CCDC88A: variants seen among roughly 807,000 people sequenced by gnomAD.
CCDC88A encodes the protein girdin.
A neutral mutation model predicts 234.3 loss-of-function variants in CCDC88A; 54 were observed. That is an observed-to-expected ratio of 0.23 (90% CI 0.19 to 0.29). CCDC88A has a LOEUF of 0.29. Ranked by LOEUF, CCDC88A falls within the 10% of genes least tolerant of loss-of-function variation. The probability of loss-of-function intolerance (pLI) is 1.00; values close to 1 mark genes in which losing one functional copy is unlikely to be tolerated. For missense variants in CCDC88A, 1,832 were observed against 2,123.4 expected (o/e 0.86, Z 2.70); for synonymous variants, 753 against 737.8 (o/e 1.02, Z -0.33).
chr2:55,364,091 TTATA>T, intron 5 of CCDC88A, 58 bp from the exon 6 acceptor site: 1 of 793,218 alleles, frequency 1.3e-6, no homozygotes. Flanking sequence ...CCTTAAAATG[TTATA>T]TATAACTAAA....
chr2:55,304,131 A>C (rs1164299665), intron 25 of CCDC88A, among the ~76,000 whole-genome samples: 1 of 150,482 alleles, frequency 6.6e-6, no homozygotes, highest in African/African-American at 2.5e-5. Context: ...CAACAGAGCG[A>C]GAACCCATCC....
chr2:55,307,310 A>G (rs969268559), intron 25 of CCDC88A, among the ~76,000 whole-genome samples: 1 of 152,188 alleles, frequency 6.6e-6, no homozygotes, highest in African/African-American at 2.4e-5. Flanking sequence ...TAAATTTGTA[A>G]TAAAAATTAT....
At chr2:55,352,636 G>A (rs1422118789) in intron 8 of CCDC88A, among the ~76,000 whole-genome samples, 2 of 151,882 alleles carry the variant, frequency 1.3e-5, no homozygotes, top group African/African-American at 4.8e-5. Context: ...TCAAAACATG[G>A]GATTTATGGA....
chr2:55,290,200 A>C lies in CCDC88A; in HGVS notation c.*1000T>G, dbSNP rs1398539083. ...AATAACAGTTATCAACTTTAATGTAATATCATAAAGGAGAAAAAAATCATT... is the reference window on the plus strand; with the variant it reads ...AATAACAGTTATCAACTTTAATGTACTATCATAAAGGAGAAAAAAATCATT... On this transcript the variant is annotated 3_prime_UTR_variant, in exon 33 of 33. Coordinates refer to ENST00000436346, the MANE Select transcript of CCDC88A (RefSeq NM_001365480.1). The C allele has an allele frequency of 6.6e-6, 1 of 152,570 alleles. No homozygotes were observed. Among genetic ancestry groups the C allele is most frequent in the East Asian group, 1.9e-4 (1 of 5,204 alleles). The allele number at this position is 152,570 out of a possible 1,614,324, so 9.5% of individuals were successfully genotyped here.
rs547733323 is a variant in CCDC88A, at chr2:55,347,606, C to CTTTTTT, written c.883-1279_883-1274dup. ...ATACCTATGTTATCTATTCATCTAC[C>CTTTTTT]TTTTTTTTTTTTTTTTTTTTGAGAC... is the stretch of plus-strand genomic sequence containing the variant. On this transcript the variant is annotated intron_variant, in intron 9 of 32. Coordinates refer to ENST00000436346, the MANE Select transcript of CCDC88A (RefSeq NM_001365480.1). Among the ~76,000 whole-genome samples the CTTTTTT allele has an allele frequency of 5.5e-4, 56 of 102,146 alleles. 4 individuals carry two copies. Among genetic ancestry groups the CTTTTTT allele is most frequent in the African/African-American group, 1.7e-3 (44 of 25,354 alleles). The allele number at this position is 102,146 out of a possible 152,430, so 67.0% of individuals were successfully genotyped here.
At chr2:55,366,192 A>G (rs1336553398) in intron 5 of CCDC88A, among the ~76,000 whole-genome samples, 1 of 152,174 alleles carries the variant, frequency 6.6e-6, no homozygotes, top group African/African-American at 2.4e-5. Context: ...TATTATAGTA[A>G]CTGATTACTA....
intron 3 of CCDC88A, among the ~76,000 whole-genome samples, chr2:55,386,194 C>G (rs1675593833): frequency 6.9e-6 from 1 of 145,952 alleles, no homozygotes; most frequent in South Asian, 2.2e-4. Context: ...TGCCCTCCAG[C>G]CTGGGCAACA....
rs1679395459 is a variant in CCDC88A, at chr2:55,290,879, T to G, written c.*321A>C. On this transcript the variant is annotated 3_prime_UTR_variant, in exon 33 of 33. Coordinates refer to ENST00000436346, the MANE Select transcript of CCDC88A (RefSeq NM_001365480.1). ...TTCTTGGAGTACTTCTTTAAACACT[T>G]AACCTTAAAACACCTGGTCCTTAGT... The G allele has an allele frequency of 6.6e-6, 1 of 152,534 alleles. No individual in the cohort carries two copies. Among genetic ancestry groups the G allele is most frequent in the Non-Finnish European group, 1.5e-5 (1 of 67,950 alleles). 9.4% of individuals were successfully genotyped at this position (152,534 alleles called of 1,614,324 possible).
intron 6 of CCDC88A, among the ~76,000 whole-genome samples, chr2:55,363,315 A>G (rs1341469865): frequency 6.6e-6 from 1 of 151,938 alleles, no homozygotes; most frequent in Non-Finnish European, 1.5e-5. Context: ...ACTATAAAAA[A>G]TTTTCTTTTC....
intron 7 of CCDC88A, among the ~76,000 whole-genome samples, chr2:55,359,218 C>G (rs910612871): frequency 1.3e-5 from 2 of 151,860 alleles, no homozygotes; most frequent in African/African-American, 4.8e-5. Context: ...AATGGGTGCT[C>G]AAAAATATTC....
At chr2:55,375,469 C>CTATATATATATATATATATATATATATA (rs869279076) in intron 3 of CCDC88A, among the ~76,000 whole-genome samples, 1 of 26,606 alleles carries the variant, frequency 3.8e-5, no homozygotes, top group African/African-American at 9.1e-5. Context: ...TGTCACTGTA[C>CTATATATATATATATATATATATATATA]TATATATATA....
At position 55,334,244 on chromosome 2, in the gene CCDC88A, A is replaced by T; in HGVS notation, c.2577T>A (p.Ile859=). 1 of 1,438,468 alleles carries T rather than the reference A, an allele frequency of 7.0e-7. No homozygotes were observed. Among genetic ancestry groups the T allele is most frequent in the Non-Finnish European group, 9.1e-7 (1 of 1,099,010 alleles). 89.1% of individuals were successfully genotyped at this position (1,438,468 alleles called of 1,614,324 possible). A position where few individuals can be genotyped will look rare whatever the true frequency, so the allele number is the denominator to read the frequency against. ...DTTLEENNVK[I]GNLEKENKTL... is the part of the protein sequence containing the mutation. ...TTTTGTTTTCTTTTTCCAAATTTCC[A>T]ATCTTCACATTATTTTCTTCTAATG... is the stretch of plus-strand genomic sequence containing the variant. Residue 859 remains isoleucine (I), a synonymous_variant, in exon 15 of 33, where the codon ATT becomes ATA. Coordinates refer to ENST00000436346, the MANE Select transcript of CCDC88A (RefSeq NM_001365480.1). The surrounding 1 kb of genome is among the most constrained non-coding windows in gnomAD (Gnocchi z 6.1).
chr2:55,318,980 G>C lies in CCDC88A; in HGVS notation c.3187C>G (p.Gln1063Glu), dbSNP rs1439654139. ...TGCTTCAGTTGAGTTTTCAACGCTT[G>C]CTTCTCTGCTTGCAGTGTAGCATTC... ...RNNATLQAEKQALKTQLKQLE... is the reference protein window; with the variant it reads ...RNNATLQAEKEALKTQLKQLE... Residue 1063 changes from glutamine to glutamate, a missense_variant, in exon 19 of 33, where the codon CAA (glutamine) becomes GAA (glutamate). Physicochemically the swap from Gln to Glu is conservative, Grantham distance 29 (BLOSUM62 2). This residue lies in a region of CCDC88A where 1,282 missense variants were observed against 1,543.6 expected (regional missense o/e 0.83). Coordinates refer to ENST00000436346, the MANE Select transcript of CCDC88A (RefSeq NM_001365480.1). 6.2e-7 allele frequency: 1 copy of C among 1,613,022 alleles called. No individual in the cohort carries two copies. Among genetic ancestry groups the C allele is most frequent in the Admixed American group, 1.7e-5 (1 of 59,990 alleles).
Position 55,419,424 on chromosome 2 carries a change from G to C in CCDC88A, c.-345C>G, listed in dbSNP as rs769781817. 2.1e-5 allele frequency: 6 copies of C among 289,020 alleles called. No individual in the cohort carries two copies. The highest frequency in any genetic ancestry group is 4.4e-5 in the African/African-American group (2 of 45,294). 17.9% of individuals were successfully genotyped at this position (289,020 alleles called of 1,614,324 possible). On this transcript the variant is annotated 5_prime_UTR_variant, in exon 1 of 33. Coordinates refer to ENST00000436346, the MANE Select transcript of CCDC88A (RefSeq NM_001365480.1). ...GCCCGTCAAGGTTGTCCAGCTCCTG[G>C]AGGATCCAGACCAGCGAAACTGCTC...
At chr2:55,346,412 T>C in intron 9 of CCDC88A, 79 bp from the exon 10 acceptor site, 1 of 622,066 alleles carries the variant, frequency 1.6e-6, no homozygotes, top group Non-Finnish European at 2.5e-6. Context: ...TTTGAAATTT[T>C]ATTTATTTAT....
intron 23 of CCDC88A, among the ~76,000 whole-genome samples, chr2:55,312,069 G>A (rs943216397): frequency 2.6e-5 from 4 of 151,888 alleles, no homozygotes; most frequent in South Asian, 2.1e-4. Context: ...AATTCCTATC[G>A]AACCTATAAA....
chr2:55,408,562 A>G (rs189685352), intron 2 of CCDC88A, among the ~76,000 whole-genome samples: 36 of 152,238 alleles, frequency 2.4e-4, no homozygotes, highest in African/African-American at 8.7e-4. Context: ...CACTCCTACC[A>G]GTGCCATGAC....
intron 16 of CCDC88A, among the ~76,000 whole-genome samples, chr2:55,331,592 T>C (rs978187624): frequency 6.6e-6 from 1 of 152,162 alleles, no homozygotes; most frequent in African/African-American, 2.4e-5. Flanking sequence ...AATAATATTC[T>C]TAACAATATA....
At position 55,366,534 on chromosome 2, in the gene CCDC88A, T is replaced by TACACAC. The variant is rs201666406; in HGVS notation, c.403-2507_403-2502dup. 5.0e-3 allele frequency among the ~76,000 whole-genome samples: 640 copies of TACACAC among 127,720 alleles called. 5 individuals are homozygous for TACACAC. Among genetic ancestry groups the TACACAC allele is most frequent in the Admixed American group, 0.013 (156 of 12,284 alleles). The allele number at this position is 127,720 out of a possible 152,430, so 83.8% of individuals were successfully genotyped here. On this transcript the variant is annotated intron_variant, in intron 5 of 32. Transcript: ENST00000436346. ...AGAGCAAGACTCTGTCACACACACA[T>TACACAC]ACACACACACACACACACACACACA...
Sources: allele counts gnomAD v4.1 joint callset (sites outside exome capture counted in the v4.1 genomes callset), GRCh38; gene constraint gnomAD v4.1.1; regional missense constraint gnomAD v4.1.1; non-coding constraint Gnocchi (gnomAD v3.1); transcripts MANE v1.5; gene names NCBI Gene and HGNC (gene_info 2026-07-23, HGNC 2026-07-21).